DOCK8: variants seen among roughly 807,000 people sequenced by gnomAD.
DOCK8 encodes the protein dedicator of cytokinesis 8.
In DOCK8, 141 loss-of-function variants were observed where a neutral mutation model predicts 245.6. The ratio of observed to expected loss-of-function variants is 0.57; its 90% CI spans 0.50 to 0.66. DOCK8 has a LOEUF of 0.66. Among genes scored for constraint, DOCK8 ranks in the 30% least tolerant of loss-of-function variants. The probability of loss-of-function intolerance (pLI) is 0.00; values close to 1 mark genes in which losing one functional copy is unlikely to be tolerated. For synonymous variants in DOCK8, 1,168 were observed against 970.2 expected, an observed-to-expected ratio of 1.20 and a Z score of -3.79; for missense variants, 2,965 against 2,603.4, an observed-to-expected ratio of 1.14 and a Z score of -3.02.
At chr9:312,715 A>G (rs1354636178) in intron 6 of DOCK8, 2 of 341,200 alleles carry the variant, frequency 5.9e-6, no homozygotes, top group Non-Finnish European at 1.1e-5. Context: ...GAGCTGACTG[A>G]CAACAATAGG....
chr9:248,267 T>G (rs1253745888), intron 1 of DOCK8, among the ~76,000 whole-genome samples: 19 of 152,228 alleles, frequency 1.2e-4, no homozygotes, highest in Admixed American at 1.2e-3. Flanking sequence ...CCTGTGCCTT[T>G]TAGACAAAAC....
chr9:437,476 T>C (rs1278849134), intron 39 of DOCK8, among the ~76,000 whole-genome samples: 2 of 152,174 alleles, frequency 1.3e-5, no homozygotes, highest in Non-Finnish European at 2.9e-5. Flanking sequence ...GCCAGAGAAA[T>C]GGAGTGCTCT....
intron 2 of DOCK8, among the ~76,000 whole-genome samples, chr9:278,934 C>G (rs1373974288): frequency 6.6e-6 from 1 of 152,180 alleles, no homozygotes; most frequent in Non-Finnish European, 1.5e-5. Flanking sequence ...GAGGATCACT[C>G]TGGCTGCAGT....
chr9:440,693 C>A (rs1235342714), intron 40 of DOCK8, among the ~76,000 whole-genome samples: 1 of 152,138 alleles, frequency 6.6e-6, no homozygotes, highest in African/African-American at 2.4e-5. Flanking sequence ...TGCTGTTAGT[C>A]CCTGCTACCA....
intron 4 of DOCK8, among the ~76,000 whole-genome samples, chr9:299,688 T>C (rs1390539898): frequency 6.6e-6 from 1 of 151,824 alleles, no homozygotes; most frequent in African/African-American, 2.4e-5. Flanking sequence ...GCAATATAGG[T>C]TTGGGTCAGA....
chr9:442,590 T>TG (rs1421480474), intron 42 of DOCK8, among the ~76,000 whole-genome samples: 1 of 152,046 alleles, frequency 6.6e-6, no homozygotes, highest in Non-Finnish European at 1.5e-5. Context: ...GAAGCAAAGC[T>TG]GAAAGCATGG....
chr9:443,019 T>A (rs1189391123), intron 42 of DOCK8, among the ~76,000 whole-genome samples: 2 of 152,194 alleles, frequency 1.3e-5, no homozygotes, highest in South Asian at 4.1e-4. Flanking sequence ...GTCCACTTGG[T>A]TCCCTATATT....
intron 2 of DOCK8, among the ~76,000 whole-genome samples, chr9:283,675 T>C (rs1009445140): frequency 6.6e-6 from 1 of 152,224 alleles, no homozygotes; most frequent in African/African-American, 2.4e-5. Context: ...TTTTTTCACT[T>C]AAGATAATGG....
Position 311,880 on chromosome 9 carries a change from G to A in DOCK8, c.529-74G>A. The A allele has an allele frequency of 3.2e-6, 5 of 1,567,678 alleles. No homozygotes were observed. The Admixed American group carries it at 8.3e-5, about 26-fold the overall frequency. ...TAGTCCCAAATTGGAGCAGTCTTGAGACATCCAAGATTCTTCGGTTCTCAT... is the reference window on the plus strand; with the variant it reads ...TAGTCCCAAATTGGAGCAGTCTTGAAACATCCAAGATTCTTCGGTTCTCAT... On this transcript the variant is annotated intron_variant, in intron 5 of 47. Coordinates refer to ENST00000432829, the MANE Select transcript of DOCK8 (RefSeq NM_203447.4).
intron 7 of DOCK8, among the ~76,000 whole-genome samples, chr9:319,413 C>T (rs2050488957): frequency 6.6e-6 from 1 of 152,170 alleles, no homozygotes; most frequent in Non-Finnish European, 1.5e-5. Flanking sequence ...GTGCACTTGG[C>T]CTGCTCATGT....
intron 26 of DOCK8, among the ~76,000 whole-genome samples, chr9:402,462 T>G (rs144121571): frequency 1.0e-3 from 152 of 152,332 alleles, no homozygotes; most frequent in Non-Finnish European, 1.8e-3. Context: ...TTCTGTGGTC[T>G]GTGTCTGCCA....
In DOCK8 at chr9:343,665, C is replaced by T. The variant is rs139020219; in HGVS notation, c.1679+3344C>T. 1.5e-3 allele frequency among the ~76,000 whole-genome samples: 231 copies of T among 152,248 alleles called. 1 individual carries two copies. Among genetic ancestry groups the T allele is most frequent in the African/African-American group, 4.9e-3 (205 of 41,544 alleles). On this transcript the variant is annotated intron_variant, in intron 14 of 47. Transcript: ENST00000432829. ...CATTCCTTACATCTAAACTTAGTCC[C>T]CACGTCTCCCTCCTAGAGGAGATAA...
intron 7 of DOCK8, among the ~76,000 whole-genome samples, chr9:325,299 T>C (rs10813612): frequency 0.71 from 107,517 of 152,036 alleles, 38,286 homozygotes; most frequent in African/African-American, 0.78. Flanking sequence ...ATGTGAAATG[T>C]GAACAAGTCC....
intron 1 of DOCK8, chr9:215,350 G>A (rs765431051): frequency 7.5e-6 from 12 of 1,601,674 alleles, no homozygotes; most frequent in Non-Finnish European, 1.0e-5. Flanking sequence ...CCAGAAGGGT[G>A]ATAGGCGCCT....
chr9:212,660 C>T (rs972579651), upstream of DOCK8, among the ~76,000 whole-genome samples: 2 of 152,156 alleles, frequency 1.3e-5, no homozygotes, highest in African/African-American at 4.8e-5. Context: ...TTCTAACCAT[C>T]AAGAAATTGA....
At chr9:364,125 G>T (rs563815046) in intron 14 of DOCK8, among the ~76,000 whole-genome samples, 5 of 152,114 alleles carry the variant, frequency 3.3e-5, no homozygotes, top group Admixed American at 2.6e-4. Flanking sequence ...TATATAAAGT[G>T]TTCATCACAG....
At chr9:396,500 G>A (rs1358327154) in intron 24 of DOCK8, among the ~76,000 whole-genome samples, 1 of 152,226 alleles carries the variant, frequency 6.6e-6, no homozygotes, top group Non-Finnish European at 1.5e-5. Flanking sequence ...AGGCAGTTGA[G>A]AACACTGTAG....
At chr9:349,383 A>T (rs191072099) in intron 14 of DOCK8, among the ~76,000 whole-genome samples, 330 of 152,354 alleles carry the variant, frequency 2.2e-3, no homozygotes, top group Middle Eastern at 0.01. Context: ...ATTGAGATTC[A>T]TGCAACTATT....
Position 311,961 on chromosome 9 carries a change from C to T in DOCK8, c.536C>T (p.Pro179Leu), listed in dbSNP as rs772181121. 1.9e-5 allele frequency: 30 copies of T among 1,613,900 alleles called. No individual in the cohort carries two copies. The highest frequency in any genetic ancestry group is 1.3e-4 in the South Asian group (12 of 91,080). Residue 179 changes from proline (P) to leucine (L), a missense_variant, in exon 6 of 48, where the codon CCC (proline) becomes CTC (leucine). Transcript: ENST00000432829. Reference protein sequence around the residue: ...ECSEPAAQAGPRHLNVLCDVS... With the variant: ...ECSEPAAQAGLRHLNVLCDVS... ...CACTGTTTTCTCTCACAGGCAGGCC[C>T]CCGCCACTTAAACGTGCTGTGCGAC...
Sources: gnomAD v4.1 joint callset for allele counts (sites outside exome capture counted in the v4.1 genomes callset) on GRCh38, gnomAD v4.1.1 for gene constraint, MANE v1.5 for transcripts, NCBI Gene and HGNC (gene_info 2026-07-23, HGNC 2026-07-21) for gene names.